The following YEATS4 variants were observed in gnomAD, a reference collection of about 807,000 sequenced individuals.
YEATS4 encodes YEATS domain containing 4.
A neutral mutation model predicts 30.1 loss-of-function variants in YEATS4; 17 were observed. The ratio of observed to expected loss-of-function variants is 0.56; its 90% CI spans 0.39 to 0.85. YEATS4 has a LOEUF of 0.85. Among genes scored for constraint, YEATS4 ranks in the 40% least tolerant of loss-of-function variants. YEATS4 has a pLI of 0.00. For synonymous variants in YEATS4, 85 were observed against 87.5 expected, an observed-to-expected ratio of 0.97 and a Z score of 0.16; for missense variants, 142 against 268.3, an observed-to-expected ratio of 0.53 and a Z score of 3.29.
chr12:69,420,993 A>G, the YEATS4 span, among the ~76,000 whole-genome samples: 1 of 152,120 alleles, frequency 6.6e-6, no homozygotes, highest in Non-Finnish European at 1.5e-5. Flanking sequence ...TTCGTTGACA[A>G]ATAATATTCC....
Position 69,370,692 on chromosome 12 carries a change from T to G in YEATS4, c.334-14T>G. On this transcript the variant is annotated splice_polypyrimidine_tract_variant and intron_variant, in intron 4 of 6. Coordinates refer to ENST00000247843, the MANE Select transcript of YEATS4 (RefSeq NM_006530.4). The stretch of plus-strand genomic sequence containing the variant: ...AACCATTGCACAGATTTGACATCTG[T>G]TTCTATTTCACAGGTAACCCTGTAT... 6.5e-7 allele frequency: 1 copy of G among 1,529,690 alleles called. No individual in the cohort carries two copies. Among genetic ancestry groups the G allele is most frequent in the Non-Finnish European group, 8.7e-7 (1 of 1,145,478 alleles). The allele number at this position is 1,529,690 out of a possible 1,614,324, so 94.8% of individuals were successfully genotyped here.
the YEATS4 span, among the ~76,000 whole-genome samples, chr12:69,418,590 G>C: frequency 2.6e-5 from 4 of 152,160 alleles, no homozygotes; most frequent in Admixed American, 2.6e-4. Context: ...GTATGTGTTG[G>C]AGGGAGTCAA....
chr12:69,420,775 G>C, the YEATS4 span, among the ~76,000 whole-genome samples: 12 of 152,104 alleles, frequency 7.9e-5, no homozygotes, highest in African/African-American at 2.9e-4. Context: ...GGGAGAAAAA[G>C]AGGCCCATTA....
At chr12:69,373,116 T>C (rs1006183551) in intron 6 of YEATS4, among the ~76,000 whole-genome samples, 3 of 152,222 alleles carry the variant, frequency 2.0e-5, no homozygotes, top group Non-Finnish European at 4.4e-5. Flanking sequence ...AGTGCAGATA[T>C]CTTTTTGATA....
the YEATS4 span, among the ~76,000 whole-genome samples, chr12:69,396,999 T>TAAAGGGTAAA: frequency 6.6e-6 from 1 of 152,130 alleles, no homozygotes. Context: ...GGAATTCTGT[T>TAAAGGGTAAA]AAAGGGTAAA....
At chr12:69,392,522 A>G (rs945746627), downstream of YEATS4, among the ~76,000 whole-genome samples, 9 of 152,272 alleles carry the variant, frequency 5.9e-5, no homozygotes, top group South Asian at 4.1e-4. Context: ...TGGTATCTCC[A>G]TATGATAGAT....
chr12:69,378,030 T>TG (rs778794601), intron 6 of YEATS4, among the ~76,000 whole-genome samples: 4 of 152,218 alleles, frequency 2.6e-5, no homozygotes, highest in Non-Finnish European at 4.4e-5. Context: ...GCTCCACTGT[T>TG]GGGTGCATAT....
the YEATS4 span, among the ~76,000 whole-genome samples, chr12:69,403,576 CA>C: frequency 4.8e-3 from 421 of 87,038 alleles, 2 homozygotes; most frequent in African/African-American, 9.3e-3. Context: ...GACTCTGTCT[CA>C]AAAAAAAAAA....
the YEATS4 span, among the ~76,000 whole-genome samples, chr12:69,397,338 CTAATA>C: frequency 1.3e-5 from 2 of 152,230 alleles, no homozygotes; most frequent in South Asian, 2.1e-4. Flanking sequence ...GGGCCCTAAT[CTAATA>C]TGACTCGTGA....
At chr12:69,363,049 G>T in intron 2 of YEATS4, 142 bp downstream of exon 2, 1 of 687,506 alleles carries the variant, frequency 1.5e-6, no homozygotes, top group South Asian at 3.3e-5. Context: ...CTGGAGTGCA[G>T]TGGCGCGATC....
At chr12:69,404,519 T>G in the YEATS4 span, among the ~76,000 whole-genome samples, 2 of 152,198 alleles carry the variant, frequency 1.3e-5, no homozygotes, top group Admixed American at 1.3e-4. Context: ...TCTCTCTGGC[T>G]CTTGCACTCA....
chr12:69,416,290 G>A, the YEATS4 span, among the ~76,000 whole-genome samples: 2 of 152,138 alleles, frequency 1.3e-5, no homozygotes, highest in African/African-American at 4.8e-5. Context: ...TCAATCCTCT[G>A]ATGTGTTTAA....
the YEATS4 span, among the ~76,000 whole-genome samples, chr12:69,418,451 CA>C: frequency 2.9e-4 from 44 of 151,416 alleles, no homozygotes; most frequent in Middle Eastern, 3.4e-3. Context: ...GACTCTGTCT[CA>C]AAAAAAACAT....
the YEATS4 span, among the ~76,000 whole-genome samples, chr12:69,410,114 A>G: frequency 6.6e-6 from 1 of 152,168 alleles, no homozygotes; most frequent in South Asian, 2.1e-4. Flanking sequence ...TAACACACAA[A>G]CCATAAAATT....
chr12:69,367,074 A>AT (rs764515457), intron 4 of YEATS4, among the ~76,000 whole-genome samples: 5 of 152,196 alleles, frequency 3.3e-5, no homozygotes, highest in Non-Finnish European at 7.3e-5. Flanking sequence ...AATATCTCAA[A>AT]TGAGAATCTA....
chr12:69,372,453 C>T (rs1191025406), intron 6 of YEATS4, among the ~76,000 whole-genome samples: 2 of 151,326 alleles, frequency 1.3e-5, no homozygotes, highest in Non-Finnish European at 2.9e-5. Flanking sequence ...TTTTTTGTAC[C>T]AATAACCATC....
intron 2 of YEATS4, among the ~76,000 whole-genome samples, chr12:69,363,240 G>T (rs914345141): frequency 5.9e-5 from 9 of 151,674 alleles, no homozygotes; most frequent in African/African-American, 1.7e-4. Context: ...TGATCCACCC[G>T]CCTCGGCCTC....
chr12:69,389,155 T>C (rs1407887727), intron 6 of YEATS4, among the ~76,000 whole-genome samples: 2 of 152,112 alleles, frequency 1.3e-5, no homozygotes, highest in East Asian at 3.9e-4. Context: ...ATTTTGTTTA[T>C]AAGTTTCACC....
the YEATS4 span, among the ~76,000 whole-genome samples, chr12:69,413,811 C>T: frequency 6.7e-6 from 1 of 150,192 alleles, no homozygotes; most frequent in African/African-American, 2.5e-5. Flanking sequence ...GAGATCGCAC[C>T]ACTGCACTCA....
Sources: allele counts gnomAD v4.1 joint callset (sites outside exome capture counted in the v4.1 genomes callset), GRCh38; gene constraint gnomAD v4.1.1; transcripts MANE v1.5; gene names NCBI Gene and HGNC (gene_info 2026-07-23, HGNC 2026-07-21).